NAV3: variants seen among roughly 807,000 people sequenced by gnomAD.
The protein encoded by NAV3 is pore membrane and/or filament interacting like protein 1.
NAV3 carries 87 observed loss-of-function variants against 244.7 expected under a neutral mutation model. The ratio of observed to expected loss-of-function variants is 0.36; its 90% CI spans 0.30 to 0.42. The LOEUF is 0.42. Ranked by LOEUF, NAV3 falls within the 20% of genes least tolerant of loss-of-function variation. The pLI is 1.00. For missense variants in NAV3, 2,663 were observed against 2,893.3 expected (o/e 0.92, Z 1.83); for synonymous variants, 1,126 against 1,042.2 (o/e 1.08, Z -1.55).
At chr12:77,779,650 G>C (rs1362159648) in intron 2 of NAV3, among the ~76,000 whole-genome samples, 1 of 152,136 alleles carries the variant, frequency 6.6e-6, no homozygotes, top group Admixed American at 6.5e-5. Context: ...ATGGCACTCT[G>C]ATTAAACTGT....
At chr12:78,011,839 A>G (rs1875330540) in intron 8 of NAV3, among the ~76,000 whole-genome samples, 1 of 152,162 alleles carries the variant, frequency 6.6e-6, no homozygotes, top group Non-Finnish European at 1.5e-5. Flanking sequence ...TCAGGAAACT[A>G]ACAATTAAGG....
At chr12:77,694,052 A>G (rs113242105) in intron 2 of NAV3, among the ~76,000 whole-genome samples, 4,086 of 152,102 alleles carry the variant, frequency 0.027, 87 homozygotes, top group African/African-American at 0.065. Flanking sequence ...CTTAATATCA[A>G]TCTTTATGAA....
At chr12:78,059,510 A>T (rs1019652381) in intron 12 of NAV3, among the ~76,000 whole-genome samples, 1 of 152,076 alleles carries the variant, frequency 6.6e-6, no homozygotes, top group African/African-American at 2.4e-5. Flanking sequence ...GATGGTCTCC[A>T]TCTCTTGACC....
At chr12:77,940,191 G>C in intron 1 of NAV3, 128 bp from the exon 2 acceptor site, 1 of 689,866 alleles carries the variant, frequency 1.4e-6, no homozygotes. Context: ...TTCCTTTAGA[G>C]CTATGACTTC....
At chr12:77,776,890 T>C (rs1404103789) in intron 2 of NAV3, among the ~76,000 whole-genome samples, 3 of 152,154 alleles carry the variant, frequency 2.0e-5, no homozygotes, top group Non-Finnish European at 1.5e-5. Context: ...CTGTAACATC[T>C]TTATCTATCC....
intron 2 of NAV3, among the ~76,000 whole-genome samples, chr12:77,741,535 T>C (rs1294505457): frequency 6.6e-6 from 1 of 152,172 alleles, no homozygotes; most frequent in East Asian, 1.9e-4. Context: ...CTGCCAGTAT[T>C]CTATGCCCCT....
intron 2 of NAV3, among the ~76,000 whole-genome samples, chr12:77,743,677 A>C (rs1046564743): frequency 6.6e-6 from 1 of 151,884 alleles, no homozygotes; most frequent in Non-Finnish European, 1.5e-5. Flanking sequence ...TCTGAGAAAT[A>C]TACTGAATGA....
At chr12:77,662,776 A>G (rs1873523637) in intron 2 of NAV3, among the ~76,000 whole-genome samples, 2 of 152,178 alleles carry the variant, frequency 1.3e-5, no homozygotes, top group Admixed American at 6.5e-5. Flanking sequence ...TACCATTCCT[A>G]GGCTACTTAG....
intron 2 of NAV3, among the ~76,000 whole-genome samples, chr12:77,686,002 G>T (rs1352774674): frequency 2.0e-5 from 3 of 152,142 alleles, no homozygotes; most frequent in Non-Finnish European, 4.4e-5. Flanking sequence ...TTTGAAAGCT[G>T]ATGTTTTACT....
rs185641258 is a variant in NAV3 at position 77,651,288 on chromosome 12, T to G, written c.72+79022T>G. ...CTGTTTATACTGACTTTAAAAAGAT[T>G]GAAGTAACATTTCAAATGCTTTTTC... On this transcript the variant is annotated intron_variant, in intron 2 of 8. Transcript: ENST00000550042. Among the ~76,000 whole-genome samples the G allele has an allele frequency of 9.1e-4, 138 of 152,322 alleles. 1 individual carries two copies. The highest frequency in any genetic ancestry group is 3.2e-3 in the African/African-American group (133 of 41,588).
Position 77,968,738 on chromosome 12 carries a change from G to T in NAV3, c.671+36G>T, listed in dbSNP as rs146243367. Reference sequence around the variant, plus strand: ...GAAGTAGGGAATGTGTTTCCAATTAGTTTGTGTAGATACAACTTGTTTTTA... The same window carrying T: ...GAAGTAGGGAATGTGTTTCCAATTATTTTGTGTAGATACAACTTGTTTTTA... On this transcript the variant is annotated intron_variant, in intron 5 of 39. Transcript: ENST00000397909. 1.4e-3 allele frequency: 2,215 copies of T among 1,591,596 alleles called. 6 individuals carry two copies. Among genetic ancestry groups the T allele is most frequent in the East Asian group, 0.01 (459 of 44,330 alleles).
rs552201120 is a variant in NAV3, at chr12:77,999,507, G to A, written c.880+1031G>A. On this transcript the variant is annotated intron_variant, in intron 7 of 39. Transcript: ENST00000397909. ...AACTTCCTCTTCCTCAAATGTGAACGGACAGATGTGATCTAGAAGCAAGAC... is the reference window on the plus strand; with the variant it reads ...AACTTCCTCTTCCTCAAATGTGAACAGACAGATGTGATCTAGAAGCAAGAC... Among the ~76,000 whole-genome samples the A allele has an allele frequency of 3.9e-5, 6 of 152,208 alleles. No homozygotes were observed. In the South Asian group the frequency reaches 1.2e-3, roughly 32 times the overall value.
intron 5 of NAV3, among the ~76,000 whole-genome samples, chr12:77,976,700 A>G (rs1330599775): frequency 1.2e-5 from 1 of 83,938 alleles, no homozygotes; most frequent in Non-Finnish European, 2.1e-5. Flanking sequence ...TTTGAGACGG[A>G]GTCTTACTCT....
chr12:78,111,127 C>T (rs1239775126), intron 12 of NAV3, among the ~76,000 whole-genome samples: 1 of 152,024 alleles, frequency 6.6e-6, no homozygotes, highest in African/African-American at 2.4e-5. Flanking sequence ...ACAGTGACTA[C>T]AGTTAACAAA....
intron 2 of NAV3, among the ~76,000 whole-genome samples, chr12:77,599,647 A>C (rs768059213): frequency 6.6e-6 from 1 of 151,778 alleles, no homozygotes; most frequent in Non-Finnish European, 1.5e-5. Flanking sequence ...TATGTGTTCA[A>C]GTATTTTCAA....
intron 2 of NAV3, among the ~76,000 whole-genome samples, chr12:77,821,090 CAA>C (rs1872724744): frequency 3.9e-5 from 2 of 51,302 alleles, no homozygotes; most frequent in Admixed American, 5.8e-4. Context: ...CATGTTCGCA[CAA>C]ACACACACAC....
chr12:77,974,599 C>T (rs1893306333), intron 5 of NAV3, among the ~76,000 whole-genome samples: 1 of 151,992 alleles, frequency 6.6e-6, no homozygotes, highest in Non-Finnish European at 1.5e-5. Flanking sequence ...TTCCCAGATG[C>T]TATGTCAGTA....
intron 22 of NAV3, among the ~76,000 whole-genome samples, chr12:78,156,836 T>A (rs1298684450): frequency 3.3e-5 from 5 of 152,050 alleles, no homozygotes; most frequent in Non-Finnish European, 5.9e-5. Context: ...ATATATATAT[T>A]TTAAATTCAC....
intron 2 of NAV3, among the ~76,000 whole-genome samples, chr12:77,810,199 T>A (rs560903580): frequency 6.6e-6 from 1 of 152,284 alleles, no homozygotes; most frequent in South Asian, 2.1e-4. Flanking sequence ...TGAGACGGAG[T>A]CTCGCTCTGT....
Sources: allele counts gnomAD v4.1 joint callset (sites outside exome capture counted in the v4.1 genomes callset), GRCh38; gene constraint gnomAD v4.1.1; transcripts MANE v1.5; gene names NCBI Gene and HGNC (gene_info 2026-07-23, HGNC 2026-07-21).